The following MRPL18 variants were observed in gnomAD, a reference collection of about 807,000 sequenced individuals.
MRPL18 encodes the protein mitochondrial ribosomal protein L18, also known as large ribosomal subunit protein uL18m.
Under a neutral mutation model 20.9 loss-of-function variants are expected in MRPL18, and 16 were observed. The observed-to-expected ratio is 0.76, with a 90% CI of 0.52 to 1.16. MRPL18 has a LOEUF of 1.16. Ranked by LOEUF, MRPL18 falls within the 50% of genes most tolerant of loss-of-function variation. MRPL18 has a pLI of 0.00. For missense variants in MRPL18, 233 were observed against 230.6 expected, an observed-to-expected ratio of 1.01 and a Z score of -0.07; for synonymous variants, 91 against 87.1, an observed-to-expected ratio of 1.04 and a Z score of -0.25.
At position 159,797,455 on chromosome 6, in the gene MRPL18, C is replaced by T. The variant is rs1452813189; in HGVS notation, c.408C>T (p.Cys136=). The T allele has an allele frequency of 6.2e-7, 1 of 1,614,052 alleles. No homozygotes were observed. Among genetic ancestry groups the T allele is most frequent in the African/African-American group, 1.3e-5 (1 of 74,896 alleles). ...TAGGACGAGTGCTGGCACAGAGATGCTTAGAGGCGGGAATCAACTTCATGG... is the reference window on the plus strand; with the variant it reads ...TAGGACGAGTGCTGGCACAGAGATGTTTAGAGGCGGGAATCAACTTCATGG... ...ESIGRVLAQR[C]LEAGINFMVY... The change falls in exon 3 of 4, where the codon TGC becomes TGT. Residue 136 remains cysteine, a synonymous_variant. Coordinates refer to ENST00000367034, the MANE Select transcript of MRPL18 (RefSeq NM_014161.5).
intron 1 of MRPL18, 54 bp downstream of exon 1, chr6:159,790,693 C>T: frequency 6.2e-7 from 1 of 1,600,752 alleles, no homozygotes; most frequent in Non-Finnish European, 8.5e-7. Context: ...TTGCACAGTA[C>T]ATTGGAACGT....
chr6:159,796,799 C>G (rs1392391113), intron 2 of MRPL18, among the ~76,000 whole-genome samples: 2 of 152,078 alleles, frequency 1.3e-5, no homozygotes, highest in African/African-American at 2.4e-5. Context: ...TAATAAAAGC[C>G]ATATGACATG....
chr6:159,790,427 C>G, upstream of MRPL18: 1 of 813,096 alleles, frequency 1.2e-6, no homozygotes, highest in South Asian at 1.6e-5. Flanking sequence ...CACTCAGTGG[C>G]AGGGGACTTG....
At chr6:159,797,624 G>A in intron 3 of MRPL18, 106 bp downstream of exon 3, 7 of 1,046,622 alleles carry the variant, frequency 6.7e-6, no homozygotes, top group Non-Finnish European at 9.8e-6. Flanking sequence ...CTTTCCATGT[G>A]TCAGACCCTT....
At position 159,797,458 on chromosome 6, in the gene MRPL18, A is replaced by C. The variant is rs771760650; in HGVS notation, c.411A>C (p.Leu137Phe). The change falls in exon 3 of 4, where the codon TTA becomes TTC. Residue 137 changes from leucine (L) to phenylalanine (F), a missense_variant. Coordinates refer to ENST00000367034, the MANE Select transcript of MRPL18 (RefSeq NM_014161.5). ...GACGAGTGCTGGCACAGAGATGCTT[A>C]GAGGCGGGAATCAACTTCATGGTCT... ...SIGRVLAQRC[L>F]EAGINFMVYQ... 8 of 1,614,252 alleles carry C rather than the reference A, an allele frequency of 5.0e-6. No homozygotes were observed. The highest frequency in any genetic ancestry group is 6.8e-6 in the Non-Finnish European group (8 of 1,180,046).
chr6:159,794,676 T>C (rs1780987175), intron 2 of MRPL18, among the ~76,000 whole-genome samples: 1 of 152,228 alleles, frequency 6.6e-6, no homozygotes, highest in East Asian at 1.9e-4. Flanking sequence ...TGAATTTGAG[T>C]CATTAATATT....
At chr6:159,793,751 TAC>T (rs1780964787) in intron 2 of MRPL18, among the ~76,000 whole-genome samples, 1 of 152,024 alleles carries the variant, frequency 6.6e-6, no homozygotes, top group Non-Finnish European at 1.5e-5. Flanking sequence ...CTACTAAAAA[TAC>T]ACAAAAAAAT....
At chr6:159,796,600 C>T (rs1291762741) in intron 2 of MRPL18, among the ~76,000 whole-genome samples, 1 of 151,560 alleles carries the variant, frequency 6.6e-6, no homozygotes, top group East Asian at 1.9e-4. Context: ...CCAGCCTTGG[C>T]AACATAGGGA....
intron 2 of MRPL18, among the ~76,000 whole-genome samples, chr6:159,795,576 C>G (rs1252399006): frequency 3.3e-5 from 5 of 152,156 alleles, no homozygotes; most frequent in Non-Finnish European, 7.3e-5. Context: ...GGGGTAAGGT[C>G]ATAGATTAAC....
intron 3 of MRPL18, 134 bp from the exon 4 acceptor site, chr6:159,797,918 G>GA: frequency 1.4e-6 from 1 of 713,960 alleles, no homozygotes; most frequent in Admixed American, 3.1e-5. Context: ...ATCACTTTCT[G>GA]AAAAACCGTT....
chr6:159,791,868 C>CA (rs1372929943), intron 2 of MRPL18, among the ~76,000 whole-genome samples: 1 of 150,610 alleles, frequency 6.6e-6, no homozygotes, highest in Non-Finnish European at 1.5e-5. Context: ...GCCTGGGCGA[C>CA]AGAGCAAAAT....
At chr6:159,789,862 G>C (rs56133835), upstream of MRPL18, 9,945 of 285,406 alleles carry the variant, frequency 0.035, 298 homozygotes, top group African/African-American at 0.081. Context: ...CAGACGCAGT[G>C]GGCCATTCTA....
At chr6:159,794,693 T>C (rs549395546) in intron 2 of MRPL18, among the ~76,000 whole-genome samples, 185 of 152,358 alleles carry the variant, frequency 1.2e-3, no homozygotes, top group South Asian at 2.5e-3. Flanking sequence ...TATTTTTCTT[T>C]TCTGTGAACA....
chr6:159,792,082 T>A (rs779180706), intron 2 of MRPL18, among the ~76,000 whole-genome samples: 46 of 152,226 alleles, frequency 3.0e-4, no homozygotes, highest in Admixed American at 5.2e-4. Flanking sequence ...TCCTTAAAAT[T>A]ACATCATGAA....
intron 2 of MRPL18, among the ~76,000 whole-genome samples, chr6:159,795,171 G>A (rs1185654157): frequency 6.6e-6 from 1 of 152,132 alleles, no homozygotes; most frequent in Non-Finnish European, 1.5e-5. Flanking sequence ...GTTTTATACC[G>A]AGACAGTGCA....
chr6:159,797,749 G>T (rs1433793043), intron 3 of MRPL18, among the ~76,000 whole-genome samples: 1 of 152,212 alleles, frequency 6.6e-6, no homozygotes, highest in Admixed American at 6.5e-5. Flanking sequence ...CAGAGTCAGT[G>T]TATGGTGGAT....
At chr6:159,790,461 G>C (rs1780840278), upstream of MRPL18, 2 of 1,267,662 alleles carry the variant, frequency 1.6e-6, no homozygotes, top group Non-Finnish European at 2.2e-6. Flanking sequence ...GGTGGCGTCT[G>C]GCGTGGAGAG....
rs151134769 is a variant in MRPL18, at chr6:159,797,960, T to C, written c.472-92T>C. On this transcript the variant is annotated intron_variant, in intron 3 of 3. Coordinates refer to ENST00000367034, the MANE Select transcript of MRPL18 (RefSeq NM_014161.5). ...TGGGAAGTTAGCAAGAACAAATCAA[T>C]TTATTTCTGTCTTTTGGAAGGTGAA... is the stretch of plus-strand genomic sequence containing the variant. The C allele has an allele frequency of 3.7e-5, 40 of 1,077,682 alleles. No homozygotes were observed. The African/African-American group carries it at 5.9e-4, about 16-fold the overall frequency. The allele number at this position is 1,077,682 out of a possible 1,614,324, so 66.8% of individuals were successfully genotyped here.
upstream of MRPL18, chr6:159,790,439 T>A (rs142977983): frequency 7.7e-3 from 7,078 of 924,856 alleles, 86 homozygotes; most frequent in Middle Eastern, 0.054. Flanking sequence ...GGGGACTTGC[T>A]ACTTCCGGGT....
Sources: allele counts gnomAD v4.1 joint callset (sites outside exome capture counted in the v4.1 genomes callset), GRCh38; gene constraint gnomAD v4.1.1; transcripts MANE v1.5; gene names NCBI Gene and HGNC (gene_info 2026-07-23, HGNC 2026-07-21).